The following ALK variants were observed in gnomAD, a reference collection of about 807,000 sequenced individuals.
The protein encoded by ALK is ALK tyrosine kinase receptor.
A neutral mutation model predicts 163.1 loss-of-function variants in ALK; 74 were observed. The ratio of observed to expected loss-of-function variants is 0.45; its 90% CI spans 0.38 to 0.55. The LOEUF (loss-of-function observed/expected upper bound fraction) is 0.55, where lower values mean the gene tolerates loss of function less well. Among genes scored for constraint, ALK ranks in the 20% least tolerant of loss-of-function variants. ALK has a pLI of 0.00. For synonymous variants in ALK, 960 were observed against 843.2 expected (o/e 1.14, Z -2.40); for missense variants, 2,063 against 2,105.3 (o/e 0.98, Z 0.39).
chr2:29,697,236 A>C (rs955051448), intron 2 of ALK, among the ~76,000 whole-genome samples: 2 of 152,042 alleles, frequency 1.3e-5, no homozygotes, highest in Non-Finnish European at 2.9e-5. Flanking sequence ...CCAGCCCTAT[A>C]ATCTACCCTT....
intron 8 of ALK, among the ~76,000 whole-genome samples, chr2:29,316,364 G>A (rs1422461185): frequency 1.3e-5 from 2 of 152,090 alleles, no homozygotes; most frequent in South Asian, 2.1e-4. Flanking sequence ...TATGCCTGCT[G>A]AGCCAAGTTC....
intron 4 of ALK, among the ~76,000 whole-genome samples, chr2:29,453,570 C>A (rs1392090216): frequency 6.6e-6 from 1 of 151,956 alleles, no homozygotes; most frequent in South Asian, 2.1e-4. Context: ...GAAAAAAATA[C>A]AAGTTTCTTG....
intron 1 of ALK, among the ~76,000 whole-genome samples, chr2:29,769,356 T>C (rs552096382): frequency 9.8e-5 from 15 of 152,312 alleles, no homozygotes; most frequent in Middle Eastern, 6.8e-3. Flanking sequence ...TTTTTCTGTG[T>C]CTTTTTTCAT....
At chr2:29,510,889 T>A (rs554518123) in intron 4 of ALK, among the ~76,000 whole-genome samples, 10 of 152,276 alleles carry the variant, frequency 6.6e-5, no homozygotes, top group African/African-American at 2.4e-4. Context: ...ATACCACTCA[T>A]GTTCTCTAGC....
At chr2:29,863,468 G>T (rs1428492643) in intron 1 of ALK, among the ~76,000 whole-genome samples, 2 of 151,932 alleles carry the variant, frequency 1.3e-5, no homozygotes, top group East Asian at 1.9e-4. Flanking sequence ...GACCTGAAAA[G>T]GTATTTCTCA....
intron 5 of ALK, among the ~76,000 whole-genome samples, chr2:29,359,256 C>T (rs1335408904): frequency 1.3e-5 from 2 of 152,212 alleles, no homozygotes; most frequent in African/African-American, 4.8e-5. Context: ...TCAAGGTTTG[C>T]ATTGCGGCCA....
intron 3 of ALK, among the ~76,000 whole-genome samples, chr2:29,538,726 G>GA (rs2148164061): frequency 6.6e-6 from 1 of 152,068 alleles, no homozygotes; most frequent in East Asian, 1.9e-4. Context: ...CCACACACTG[G>GA]AAAATTTTTT....
chr2:29,459,366 C>T (rs572537464), intron 4 of ALK, among the ~76,000 whole-genome samples: 4 of 152,112 alleles, frequency 2.6e-5, no homozygotes, highest in African/African-American at 4.8e-5. Flanking sequence ...ACAGACATGG[C>T]GGACACCAAT....
At chr2:29,207,980 C>T in intron 25 of ALK, 1 of 433,346 alleles carries the variant, frequency 2.3e-6, no homozygotes, top group South Asian at 1.6e-5. Flanking sequence ...AGCTTCCTGC[C>T]AGCTGTCGAC....
At chr2:29,757,880 A>G (rs951936139) in intron 1 of ALK, among the ~76,000 whole-genome samples, 7 of 151,870 alleles carry the variant, frequency 4.6e-5, no homozygotes, top group Non-Finnish European at 7.4e-5. Flanking sequence ...GCAGTTTCTG[A>G]CCCCTGATCT....
intron 11 of ALK, among the ~76,000 whole-genome samples, chr2:29,256,788 G>A (rs963616588): frequency 2.0e-5 from 3 of 152,178 alleles, no homozygotes; most frequent in Admixed American, 6.5e-5. Context: ...AGTGGCCCCC[G>A]CAGTCGCTTA....
At chr2:29,531,570 T>G (rs1195729305) in intron 4 of ALK, among the ~76,000 whole-genome samples, 2 of 152,194 alleles carry the variant, frequency 1.3e-5, no homozygotes, top group African/African-American at 4.8e-5. Context: ...TCTACCATAT[T>G]AAATTACTTT....
chr2:29,416,776 C>G (rs1573335013), intron 4 of ALK, among the ~76,000 whole-genome samples: 1 of 152,102 alleles, frequency 6.6e-6, no homozygotes, highest in African/African-American at 2.4e-5. Flanking sequence ...ACTCCCCAAC[C>G]AATAGCTACA....
rs2148176267 is a variant in ALK at position 29,225,452 on chromosome 2, T to C, written c.3172+9A>G. ...CCCCTTGGGAGTCCCTGGGGCTCTG[T>C]GCACTCACCAATCATGATGCCGGAG... On this transcript the variant is annotated intron_variant, in intron 19 of 28. Transcript: ENST00000389048. 1 of 1,609,152 alleles carries C rather than the reference T, an allele frequency of 6.2e-7. No individual in the cohort carries two copies. Among genetic ancestry groups the C allele is most frequent in the Non-Finnish European group, 8.5e-7 (1 of 1,177,398 alleles).
chr2:29,912,939 A>C (rs1004461740), intron 1 of ALK, among the ~76,000 whole-genome samples: 6 of 152,166 alleles, frequency 3.9e-5, no homozygotes, highest in African/African-American at 1.4e-4. Flanking sequence ...GGGTCAAAGA[A>C]AAATATAACC....
intron 4 of ALK, among the ~76,000 whole-genome samples, chr2:29,509,845 G>C (rs974109388): frequency 1.3e-5 from 2 of 152,210 alleles, no homozygotes; most frequent in Non-Finnish European, 2.9e-5. Context: ...AAGAGAAAGA[G>C]AGCTAGAGAG....
chr2:29,539,476 T>G (rs1049851816), intron 3 of ALK, among the ~76,000 whole-genome samples: 5 of 152,176 alleles, frequency 3.3e-5, no homozygotes, highest in Admixed American at 2.6e-4. Flanking sequence ...ATTTCTGTCT[T>G]TCTTTAATCT....
intron 5 of ALK, among the ~76,000 whole-genome samples, chr2:29,331,774 T>C (rs1667446465): frequency 6.6e-6 from 1 of 152,156 alleles, no homozygotes; most frequent in South Asian, 2.1e-4. Flanking sequence ...GACAGGGAGT[T>C]CTATTCTTTC....
chr2:29,640,812 G>C (rs1676679992), intron 3 of ALK, among the ~76,000 whole-genome samples: 1 of 152,232 alleles, frequency 6.6e-6, no homozygotes, highest in South Asian at 2.1e-4. Flanking sequence ...TGAAGTGCCA[G>C]GATTATGGAA....
Sources: gnomAD v4.1 joint callset for allele counts (sites outside exome capture counted in the v4.1 genomes callset) on GRCh38, gnomAD v4.1.1 for gene constraint, MANE v1.5 for transcripts, NCBI Gene and HGNC (gene_info 2026-07-23, HGNC 2026-07-21) for gene names.